ITGA3: variants seen among roughly 807,000 people sequenced by gnomAD.
The protein encoded by ITGA3 is integrin subunit alpha 3.
Under a neutral mutation model 131.1 loss-of-function variants are expected in ITGA3, and 70 were observed. That is an observed-to-expected ratio of 0.53 (90% CI 0.44 to 0.65). The LOEUF (loss-of-function observed/expected upper bound fraction) is 0.65, where lower values mean the gene tolerates loss of function less well. ITGA3 is among the 30% of genes least tolerant of loss of function. The pLI is 0.00. For synonymous variants in ITGA3, 537 were observed against 571.6 expected (o/e 0.94, Z 0.86); for missense variants, 1,098 against 1,388.6 (o/e 0.79, Z 3.33).
At chr17:50,063,845 C>A in intron 1 of ITGA3, 1 of 554,712 alleles carries the variant, frequency 1.8e-6, no homozygotes, top group Non-Finnish European at 3.2e-6. Context: ...CATCACTGCC[C>A]CCTCAGCCCT....
chr17:50,071,675 C>A, intron 6 of ITGA3, 157 bp downstream of exon 6: 1 of 686,908 alleles, frequency 1.5e-6, no homozygotes, highest in Non-Finnish European at 2.4e-6. Flanking sequence ...GTCTGAGCAC[C>A]TGCACATGGC....
At chr17:50,070,786 A>C in intron 4 of ITGA3, 58 bp from the exon 5 acceptor site, 1 of 1,182,590 alleles carries the variant, frequency 8.5e-7, no homozygotes, top group Non-Finnish European at 1.3e-6. Context: ...TGGTAGAGGA[A>C]ACCAGAAACC....
intron 16 of ITGA3, 90 bp downstream of exon 16, chr17:50,077,537 T>C: frequency 9.7e-7 from 1 of 1,031,412 alleles, no homozygotes; most frequent in Non-Finnish European, 1.5e-6. Flanking sequence ...GCCTGCCTGC[T>C]TTCTGGGCTC....
chr17:50,070,425 C>A (rs371769060), intron 4 of ITGA3, among the ~76,000 whole-genome samples: 3 of 152,060 alleles, frequency 2.0e-5, no homozygotes, highest in African/African-American at 7.2e-5. Flanking sequence ...GCAGATGGAT[C>A]ACTTGAGGCC....
intron 1 of ITGA3, among the ~76,000 whole-genome samples, chr17:50,060,886 T>C (rs1908045306): frequency 6.6e-6 from 1 of 152,144 alleles, no homozygotes; most frequent in Non-Finnish European, 1.5e-5. Context: ...GAATTGCTCA[T>C]TTGTGTACTA....
At position 50,089,282 on chromosome 17, in the gene ITGA3, AC is replaced by A. The variant is rs749364744; in HGVS notation, c.*209del. On this transcript the variant is annotated 3_prime_UTR_variant, in exon 26 of 26. Transcript: ENST00000320031. ...TACTACTGACGTCCTCCCTGATCCCACCCCCTCCTCCCCCAGTGTCCCCTTT... is the reference window on the plus strand; with the variant it reads ...TACTACTGACGTCCTCCCTGATCCCACCCCTCCTCCCCCAGTGTCCCCTTT... The A allele has an allele frequency of 1.2e-5, 19 of 1,577,992 alleles. 1 individual carries two copies. The South Asian group carries it at 1.9e-4, about 16-fold the overall frequency.
intron 12 of ITGA3, 81 bp from the exon 13 acceptor site, chr17:50,076,245 T>C: frequency 1.3e-6 from 2 of 1,506,794 alleles, no homozygotes. Flanking sequence ...CCAGCTCTTC[T>C]CTGGGGTTCA....
intron 7 of ITGA3, among the ~76,000 whole-genome samples, chr17:50,073,000 A>G (rs541703846): frequency 1.3e-5 from 2 of 152,130 alleles, no homozygotes; most frequent in South Asian, 4.1e-4. Flanking sequence ...AAGGCAAAGG[A>G]GCCTCTGAAG....
In ITGA3 at chr17:50,079,200, G is replaced by A. The variant is rs1298317136; in HGVS notation, c.2525G>A (p.Gly842Glu). The A allele has an allele frequency of 1.9e-6, 3 of 1,613,940 alleles. No homozygotes were observed. The highest frequency in any genetic ancestry group is 1.7e-5 in the Admixed American group (1 of 60,000). ...ACGGAGATCACCGTCCATGGCAATG[G>A]GTCCTGGCCCTGCCGACCACCTGGA... is the stretch of plus-strand genomic sequence containing the variant. ...YPTEITVHGN[G>E]SWPCRPPGDL... is the part of the protein sequence containing the mutation. The change falls in exon 20 of 26, where the codon GGG (glycine) becomes GAG (glutamate). Residue 842 changes from glycine (G) to glutamate (E), a missense_variant. Gly to Glu is a moderately conservative substitution (Grantham distance 98, BLOSUM62 -2). Coordinates refer to ENST00000320031, the MANE Select transcript of ITGA3 (RefSeq NM_002204.4).
At chr17:50,080,524 T>G (rs1191400623) in intron 22 of ITGA3, 149 bp downstream of exon 22, 1 of 590,332 alleles carries the variant, frequency 1.7e-6, no homozygotes, top group Non-Finnish European at 3.0e-6. Context: ...TGTCTTTGCA[T>G]GGATGTGTAT....
At chr17:50,078,305 C>G (rs1909017901) in intron 18 of ITGA3, 21 bp downstream of exon 18, 1 of 1,597,312 alleles carries the variant, frequency 6.3e-7, no homozygotes, top group Non-Finnish European at 8.6e-7. Context: ...CTCTCCACCA[C>G]CCCCACCCCA....
rs768529626 is a variant in ITGA3 at position 50,056,581 on chromosome 17, C to T, written c.142C>T (p.Pro48Ser). 4.4e-6 allele frequency: 7 copies of T among 1,590,100 alleles called. No individual in the cohort carries two copies. In the Admixed American group the frequency reaches 7.1e-5, roughly 16 times the overall value. Reference protein sequence around the residue: ...RFLVVKEAGNPGSLFGYSVAL... With the variant: ...RFLVVKEAGNSGSLFGYSVAL... ...CCTGGTAGTGAAGGAGGCCGGGAAC[C>T]CGGGCAGCCTCTTCGGCTACTCGGT... Residue 48 changes from proline to serine, a missense_variant, in exon 1 of 26, where the codon CCG (proline) becomes TCG (serine). This residue lies in a region of ITGA3 where 356 missense variants were observed against 529.2 expected (regional missense o/e 0.67). Transcript: ENST00000320031. This position sits in a 1 kb window ranked among gnomAD's most constrained non-coding sequence, Gnocchi z 5.6.
chr17:50,079,464 G>A lies in ITGA3; in HGVS notation c.2613G>A (p.Gln871=), dbSNP rs140827354. 1,588 of 1,577,002 alleles carry A rather than the reference G, an allele frequency of 1.0e-3. 2 individuals are homozygous for A. Among genetic ancestry groups the A allele is most frequent in the Non-Finnish European group, 1.2e-3 (1,418 of 1,162,796 alleles). ...CTGGGGACAGGCCATCATCCCCACA[G>A]CGCAGGCGGCGACAGCTGGATCCAG... The part of the protein sequence containing the change: ...SDPGDRPSSP[Q]RRRRQLDPGG... The change falls in exon 21 of 26, where the codon CAG becomes CAA. Residue 871 remains glutamine, a synonymous_variant. Coordinates refer to ENST00000320031, the MANE Select transcript of ITGA3 (RefSeq NM_002204.4).
intron 21 of ITGA3, 51 bp downstream of exon 21, chr17:50,079,608 G>A (rs372475771): frequency 9.6e-6 from 14 of 1,462,806 alleles, no homozygotes; most frequent in Middle Eastern, 1.8e-4. Flanking sequence ...CCATCACAGG[G>A]TGCCTGGGCA....
rs1448847520 is a variant in ITGA3 at position 50,088,140 on chromosome 17, C to A, written c.3046-85C>A. 5.4e-6 allele frequency: 8 copies of A among 1,479,668 alleles called. No individual in the cohort carries two copies. In the African/African-American group the frequency reaches 8.4e-5, roughly 16 times the overall value. The allele number at this position is 1,479,668 out of a possible 1,614,324, so 91.7% of individuals were successfully genotyped here. ...AGCCCCAGCCCCCAGGCTCCCCAGC[C>A]CTAAAGCCCTGGTCCACGAGTGCTG... On this transcript the variant is annotated intron_variant, in intron 24 of 25. Coordinates refer to ENST00000320031, the MANE Select transcript of ITGA3 (RefSeq NM_002204.4).
chr17:50,081,868 G>A (rs1909200494), intron 23 of ITGA3, among the ~76,000 whole-genome samples: 1 of 152,100 alleles, frequency 6.6e-6, no homozygotes, highest in Non-Finnish European at 1.5e-5. Flanking sequence ...TTCCCGCCAC[G>A]GGCAATATGT....
Position 50,068,104 on chromosome 17 carries a change from C to T in ITGA3, c.463C>T (p.Gln155Ter), listed in dbSNP as rs1391760760. ...GGTGCTGTGGTCAGGGTCAGAAGAC[C>T]AGCGGCGCATGGTGGGCAAGTGCTA... ...TQVLWSGSED[Q>*]RRMVGKCYVR... Residue 155 changes from glutamine (Q) to a stop codon, truncating the protein, a stop_gained, in exon 4 of 26, where the codon CAG becomes TAG. Coordinates refer to ENST00000320031, the MANE Select transcript of ITGA3 (RefSeq NM_002204.4). LOFTEE classifies it high-confidence loss of function. 1.2e-5 allele frequency: 19 copies of T among 1,614,138 alleles called. No homozygotes were observed. The highest frequency in any genetic ancestry group is 1.5e-5 in the Non-Finnish European group (18 of 1,180,038).
At chr17:50,088,083 T>A in intron 24 of ITGA3, 142 bp from the exon 25 acceptor site, 1 of 1,282,182 alleles carries the variant, frequency 7.8e-7, no homozygotes, top group Non-Finnish European at 1.1e-6. Context: ...CCAGGAGCTC[T>A]GGCTTCTGAC....
chr17:50,066,323 T>C (rs939403766), intron 3 of ITGA3, among the ~76,000 whole-genome samples: 11 of 150,358 alleles, frequency 7.3e-5, no homozygotes, highest in African/African-American at 2.4e-4. Context: ...TCTTTCTTTT[T>C]TTTTTTTTTC....
Sources: gnomAD v4.1 joint callset for allele counts (sites outside exome capture counted in the v4.1 genomes callset) on GRCh38, gnomAD v4.1.1 for gene constraint, gnomAD v4.1.1 regional missense constraint, Gnocchi (gnomAD v3.1) non-coding constraint, MANE v1.5 for transcripts, NCBI Gene and HGNC (gene_info 2026-07-23, HGNC 2026-07-21) for gene names.